The following DPP10 variants were observed in gnomAD, a reference collection of about 807,000 sequenced individuals.
DPP10 encodes the protein inactive dipeptidyl peptidase 10.
A neutral mutation model predicts 120.9 loss-of-function variants in DPP10; 33 were observed. The observed-to-expected ratio is 0.27, with a 90% CI of 0.21 to 0.37. DPP10 has a LOEUF of 0.37. Among genes scored for constraint, DPP10 ranks in the 10% least tolerant of loss-of-function variants. The probability of loss-of-function intolerance (pLI) is 1.00; values close to 1 mark genes in which losing one functional copy is unlikely to be tolerated. For missense variants in DPP10, 816 were observed against 942.8 expected (o/e 0.87, Z 1.76); for synonymous variants, 337 against 326.1 (o/e 1.03, Z -0.36).
chr2:114,571,021 T>C (rs567942682), intron 1 of DPP10, among the ~76,000 whole-genome samples: 1 of 152,204 alleles, frequency 6.6e-6, no homozygotes, highest in East Asian at 1.9e-4. Flanking sequence ...GGGACTCATC[T>C]ACTGGATCAT....
At chr2:115,193,895 C>T (rs965943954) in intron 1 of DPP10, among the ~76,000 whole-genome samples, 4 of 152,068 alleles carry the variant, frequency 2.6e-5, no homozygotes, top group Non-Finnish European at 5.9e-5. Context: ...TAGGTCTGGT[C>T]GGGCCTTTGT....
chr2:115,730,149 G>C (rs982657019), intron 8 of DPP10, among the ~76,000 whole-genome samples: 1 of 152,146 alleles, frequency 6.6e-6, no homozygotes, highest in Non-Finnish European at 1.5e-5. Context: ...CAGGAACCTG[G>C]GGTCTAAGAG....
intron 1 of DPP10, among the ~76,000 whole-genome samples, chr2:114,614,553 T>C (rs1646001775): frequency 6.6e-6 from 1 of 152,226 alleles, no homozygotes; most frequent in African/African-American, 2.4e-5. Context: ...AATTAACCTT[T>C]AATTGTCTAT....
At chr2:115,414,956 T>C (rs1242090791) in intron 3 of DPP10, among the ~76,000 whole-genome samples, 3 of 152,174 alleles carry the variant, frequency 2.0e-5, no homozygotes, top group African/African-American at 7.2e-5. Context: ...TTTGTTAAGA[T>C]GCAGAGAGAT....
chr2:115,384,564 A>AG (rs2066737992), intron 3 of DPP10, among the ~76,000 whole-genome samples: 1 of 147,708 alleles, frequency 6.8e-6, no homozygotes, highest in Non-Finnish European at 1.5e-5. Context: ...AAGAGGAAGA[A>AG]GAAGAAGAAG....
intron 1 of DPP10, among the ~76,000 whole-genome samples, chr2:115,060,893 C>T (rs1351209811): frequency 6.6e-6 from 1 of 152,132 alleles, no homozygotes; most frequent in African/African-American, 2.4e-5. Flanking sequence ...GGACAAGGTG[C>T]TCACCTCGCT....
chr2:114,459,110 T>C (rs1037280789), intron 1 of DPP10, among the ~76,000 whole-genome samples: 9 of 152,186 alleles, frequency 5.9e-5, no homozygotes, highest in Non-Finnish European at 1.3e-4. Flanking sequence ...TGTTAAGGAA[T>C]GTATAACACA....
intron 5 of DPP10, among the ~76,000 whole-genome samples, chr2:115,569,713 C>A (rs935281230): frequency 6.6e-6 from 1 of 152,174 alleles, no homozygotes; most frequent in African/African-American, 2.4e-5. Flanking sequence ...TACAAGTATG[C>A]ATTCACAGCC....
chr2:115,811,430 C>T (rs1052906186), intron 19 of DPP10, among the ~76,000 whole-genome samples: 2 of 152,162 alleles, frequency 1.3e-5, no homozygotes, highest in Non-Finnish European at 2.9e-5. Flanking sequence ...TTTTAAAAAA[C>T]CTGTTGCCAT....
intron 1 of DPP10, among the ~76,000 whole-genome samples, chr2:115,095,621 C>G (rs1392629256): frequency 6.7e-6 from 1 of 150,156 alleles, no homozygotes; most frequent in Non-Finnish European, 1.5e-5. Context: ...ACTCTGTCTC[C>G]CAGGCTGGAA....
chr2:115,274,965 G>C (rs55647736), intron 1 of DPP10, among the ~76,000 whole-genome samples: 1 of 152,098 alleles, frequency 6.6e-6, no homozygotes, highest in Non-Finnish European at 1.5e-5. Flanking sequence ...TCACAGAATA[G>C]AATCCTATTT....
intron 3 of DPP10, among the ~76,000 whole-genome samples, chr2:115,469,888 AAAAAAAAAAAAG>A (rs931834982): frequency 1.4e-5 from 2 of 147,642 alleles, no homozygotes; most frequent in African/African-American, 4.9e-5. Flanking sequence ...ACAAGAGAAA[AAAAAAAAAAAAG>A]AAAAAAAAAA....
intron 1 of DPP10, among the ~76,000 whole-genome samples, chr2:115,083,429 G>C (rs1207366403): frequency 6.6e-6 from 1 of 152,108 alleles, no homozygotes; most frequent in Admixed American, 6.6e-5. Flanking sequence ...CTGCTGGCTG[G>C]CTATTCCTCT....
chr2:115,034,253 T>C (rs1704064821), intron 1 of DPP10, among the ~76,000 whole-genome samples: 1 of 152,190 alleles, frequency 6.6e-6, no homozygotes, highest in African/African-American at 2.4e-5. Context: ...TGATTTTCTT[T>C]CTATGTCAGT....
At chr2:114,605,056 A>G (rs1008154670) in intron 1 of DPP10, among the ~76,000 whole-genome samples, 26 of 152,190 alleles carry the variant, frequency 1.7e-4, no homozygotes, top group African/African-American at 6.0e-4. Context: ...TAAAGAGGCA[A>G]TATCAGTCCA....
intron 21 of DPP10, among the ~76,000 whole-genome samples, chr2:115,828,520 A>C (rs2150088894): frequency 6.6e-6 from 1 of 152,200 alleles, no homozygotes; most frequent in Middle Eastern, 3.4e-3. Context: ...GTTGTCCCCA[A>C]ACTCACTAAT....
intron 1 of DPP10, among the ~76,000 whole-genome samples, chr2:114,473,752 G>A (rs904254025): frequency 3.3e-5 from 5 of 152,086 alleles, no homozygotes; most frequent in African/African-American, 1.2e-4. Flanking sequence ...TTTTTGAAAT[G>A]GAAAGATTTT....
At chr2:115,490,555 C>G (rs1327746770) in intron 3 of DPP10, among the ~76,000 whole-genome samples, 5 of 152,166 alleles carry the variant, frequency 3.3e-5, no homozygotes, top group African/African-American at 1.2e-4. Flanking sequence ...AACCCAACTC[C>G]CTTCAGCATA....
intron 1 of DPP10, among the ~76,000 whole-genome samples, chr2:114,902,325 A>G (rs1693642928): frequency 6.6e-6 from 1 of 152,156 alleles, no homozygotes; most frequent in Non-Finnish European, 1.5e-5. Flanking sequence ...TCATTTATTG[A>G]AGAACTGTCT....
Sources: gnomAD v4.1 joint callset for allele counts (sites outside exome capture counted in the v4.1 genomes callset) on GRCh38, gnomAD v4.1.1 for gene constraint, MANE v1.5 for transcripts, NCBI Gene and HGNC (gene_info 2026-07-23, HGNC 2026-07-21) for gene names.